The following ADAMTS5 variants were observed in gnomAD, a reference collection of about 807,000 sequenced individuals.
The protein encoded by ADAMTS5 is A disintegrin and metalloproteinase with thrombospondin motifs 5.
Under a neutral mutation model 81.4 loss-of-function variants are expected in ADAMTS5, and 54 were observed. The observed-to-expected ratio is 0.66, with a 90% CI of 0.53 to 0.83. ADAMTS5 has a LOEUF of 0.83. Among genes scored for constraint, ADAMTS5 ranks in the 40% least tolerant of loss-of-function variants. ADAMTS5 has a pLI of 0.00. For missense variants in ADAMTS5, 1,194 were observed against 1,229.9 expected, an observed-to-expected ratio of 0.97 and a Z score of 0.44; for synonymous variants, 532 against 508.8, an observed-to-expected ratio of 1.05 and a Z score of -0.61.
At chr21:26,945,941 C>G (rs1199167282) in intron 2 of ADAMTS5, among the ~76,000 whole-genome samples, 1 of 152,144 alleles carries the variant, frequency 6.6e-6, no homozygotes, top group Non-Finnish European at 1.5e-5. Flanking sequence ...TGCTTAGAGT[C>G]AACTGAAAGA....
chr21:26,948,235 G>A (rs1314150447), intron 2 of ADAMTS5, among the ~76,000 whole-genome samples: 1 of 152,078 alleles, frequency 6.6e-6, no homozygotes, highest in Non-Finnish European at 1.5e-5. Flanking sequence ...TACAACCAGG[G>A]CTGACTTATA....
At chr21:26,941,711 A>G (rs229048) in intron 3 of ADAMTS5, among the ~76,000 whole-genome samples, 120,820 of 151,982 alleles carry the variant, frequency 0.79, 48,122 homozygotes, top group East Asian at 0.88. Context: ...AATGTGTAAC[A>G]TGTGATTTTG....
chr21:26,957,502 G>T (rs1362310633), intron 1 of ADAMTS5, among the ~76,000 whole-genome samples: 1 of 152,116 alleles, frequency 6.6e-6, no homozygotes, highest in Non-Finnish European at 1.5e-5. Flanking sequence ...GGAAGCAGGA[G>T]ATACTGGAGA....
Position 26,965,383 on chromosome 21 carries a change from T to C in ADAMTS5, c.1009A>G (p.Thr337Ala), listed in dbSNP as rs1477456314. The change falls in exon 1 of 8, where the codon ACA (threonine) becomes GCA (alanine). Residue 337 changes from threonine (T) to alanine (A), a missense_variant. Coordinates refer to ENST00000284987, the MANE Select transcript of ADAMTS5 (RefSeq NM_007038.5). The part of the protein sequence containing the change: ...SLEVSKNAAT[T>A]LKNFCKWQHQ... ...TGCCACTTGCAAAAGTTCTTGAGTG[T>C]GGTGGCAGCGTTCTTGCTCACTTCC... The C allele has an allele frequency of 1.2e-6, 2 of 1,614,258 alleles. No individual in the cohort carries two copies. Among genetic ancestry groups the C allele is most frequent in the East Asian group, 2.2e-5 (1 of 44,888 alleles).
intron 3 of ADAMTS5, among the ~76,000 whole-genome samples, chr21:26,936,208 C>A (rs769058225): frequency 6.6e-6 from 1 of 152,268 alleles, no homozygotes; most frequent in Middle Eastern, 3.4e-3. Flanking sequence ...GGAAGAAACA[C>A]CCAGTCTGAA....
At chr21:26,929,586 A>G (rs552790896) in intron 7 of ADAMTS5, among the ~76,000 whole-genome samples, 3 of 152,214 alleles carry the variant, frequency 2.0e-5, no homozygotes, top group Non-Finnish European at 2.9e-5. Context: ...GATCTGCAAG[A>G]TATCACTAAA....
In ADAMTS5 at chr21:26,961,239, C is replaced by A. The variant is rs1601021131; in HGVS notation, c.1104+4049G>T. 3.9e-5 allele frequency among the ~76,000 whole-genome samples: 6 copies of A among 152,316 alleles called. No individual in the cohort carries two copies. In the South Asian group the frequency reaches 8.3e-4, roughly 21 times the overall value. On this transcript the variant is annotated intron_variant, in intron 1 of 7. Transcript: ENST00000284987. ...TGTCAAGATAATTACACAATGGTTA[C>A]AGATTGTTGAAATGATTAATTGTAA...
chr21:26,946,348 A>G (rs561474837), intron 2 of ADAMTS5, among the ~76,000 whole-genome samples: 70 of 152,354 alleles, frequency 4.6e-4, no homozygotes, highest in African/African-American at 1.3e-3. Context: ...ATACAAAAGT[A>G]TAAGCAATTT....
chr21:26,943,695 G>T, intron 2 of ADAMTS5, 148 bp from the exon 3 acceptor site: 1 of 699,002 alleles, frequency 1.4e-6, no homozygotes, highest in Non-Finnish European at 2.3e-6. Flanking sequence ...GGACCTCCAG[G>T]GAAATAAAAG....
At position 26,923,175 on chromosome 21, in the gene ADAMTS5, AAC is replaced by A. The variant is rs1418162887; in HGVS notation, c.*876_*877del. The A allele has an allele frequency of 6.6e-6, 1 of 152,148 alleles. No individual in the cohort carries two copies. Among genetic ancestry groups the A allele is most frequent in the Admixed American group, 6.5e-5 (1 of 15,272 alleles). The allele number at this position is 152,148 out of a possible 1,614,324, so 9.4% of individuals were successfully genotyped here. A position where few individuals can be genotyped will look rare whatever the true frequency, so the allele number is the denominator to read the frequency against. ...AGTAGTTGTGAAAATATAAATTGAA[AAC>A]ACAGTGAAATACGATTTTTTTCCTT... On this transcript the variant is annotated 3_prime_UTR_variant, in exon 8 of 8. Transcript: ENST00000284987.
intron 2 of ADAMTS5, among the ~76,000 whole-genome samples, chr21:26,948,729 T>G (rs540123929): frequency 1.5e-4 from 23 of 152,344 alleles, no homozygotes; most frequent in African/African-American, 5.5e-4. Flanking sequence ...CTCTAACTTT[T>G]TCACCTTATA....
chr21:26,957,565 A>T (rs1323898691), intron 1 of ADAMTS5, among the ~76,000 whole-genome samples: 2 of 152,190 alleles, frequency 1.3e-5, no homozygotes, highest in African/African-American at 4.8e-5. Context: ...AAAAGTTCTG[A>T]CAAAAGCTTA....
chr21:26,947,109 A>C (rs955963878), intron 2 of ADAMTS5, among the ~76,000 whole-genome samples: 5 of 152,260 alleles, frequency 3.3e-5, no homozygotes, highest in Admixed American at 6.5e-5. Context: ...AGGACCATTT[A>C]TAATCAGCAG....
Position 26,965,980 on chromosome 21 carries a change from C to T in ADAMTS5, c.412G>A (p.Gly138Ser), listed in dbSNP as rs867411870. The change falls in exon 1 of 8, where the codon GGT (glycine) becomes AGT (serine). Residue 138 changes from glycine to serine, a missense_variant. This residue lies in a region of ADAMTS5 where 498 missense variants were observed against 412.3 expected (regional missense o/e 1.21). Coordinates refer to ENST00000284987, the MANE Select transcript of ADAMTS5 (RefSeq NM_007038.5). ...AAGACAGCCAGAGAGCGGGGACTAC[C>T]GTCCACTGTGCCCCGATAGAAGCAG... ...SHCFYRGTVD[G>S]SPRSLAVFDL... 6.2e-7 allele frequency: 1 copy of T among 1,613,060 alleles called. No homozygotes were observed. Among genetic ancestry groups the T allele is most frequent in the Non-Finnish European group, 8.5e-7 (1 of 1,179,812 alleles).
chr21:26,924,582 GC>G lies in ADAMTS5; in HGVS notation c.2263del (p.Ala755GlnfsTer4), dbSNP rs1180558432. On this transcript the variant is annotated frameshift_variant, in exon 8 of 8. Transcript: ENST00000284987. LOFTEE classifies it high-confidence loss of function. ...YTDVVRIPEGATHIKVRQFKA... is the reference protein window; with the variant it reads ...YTDVVRIPEGXTHIKVRQFKA... ...GAACTGTCGAACTTTTATGTGGGTT[GC>G]CCCTTCAGGAATCCTCACCACGTCA... The G allele has an allele frequency of 6.2e-7, 1 of 1,613,746 alleles. No homozygotes were observed. The highest frequency in any genetic ancestry group is 1.3e-5 in the African/African-American group (1 of 74,876).
At chr21:26,947,930 A>G (rs2123191976) in intron 2 of ADAMTS5, among the ~76,000 whole-genome samples, 1 of 152,340 alleles carries the variant, frequency 6.6e-6, no homozygotes, top group South Asian at 2.1e-4. Flanking sequence ...GTCAGAGTAA[A>G]GTCTATAGGA....
intron 2 of ADAMTS5, among the ~76,000 whole-genome samples, chr21:26,944,179 T>C (rs997826295): frequency 2.0e-5 from 3 of 152,242 alleles, no homozygotes; most frequent in Non-Finnish European, 4.4e-5. Flanking sequence ...TTTGGTGATT[T>C]AGTGAGTTAT....
chr21:26,931,627 T>G lies in ADAMTS5; in HGVS notation c.2049+377A>C, dbSNP rs528565417. Among the ~76,000 whole-genome samples the G allele has an allele frequency of 2.0e-5, 3 of 152,216 alleles. No homozygotes were observed. The East Asian group carries it at 5.8e-4, about 29-fold the overall frequency. ...CTCATCAAAGGAATTCTTAAGTAAATCATAGAAAAATAGAAAAAGTTTTCT... is the reference window on the plus strand; with the variant it reads ...CTCATCAAAGGAATTCTTAAGTAAAGCATAGAAAAATAGAAAAAGTTTTCT... On this transcript the variant is annotated intron_variant, in intron 6 of 7. Transcript: ENST00000284987.
chr21:26,924,926 TTATCAGATCC>T (rs1288424956), intron 7 of ADAMTS5, among the ~76,000 whole-genome samples: 1 of 152,234 alleles, frequency 6.6e-6, no homozygotes, highest in Non-Finnish European at 1.5e-5. Context: ...ATTTTCATCC[TTATCAGATCC>T]TATCATCTTT....
Sources: allele counts gnomAD v4.1 joint callset (sites outside exome capture counted in the v4.1 genomes callset), GRCh38; gene constraint gnomAD v4.1.1; regional missense constraint gnomAD v4.1.1; transcripts MANE v1.5; gene names NCBI Gene and HGNC (gene_info 2026-07-23, HGNC 2026-07-21).